BRMS1L: variants seen among roughly 807,000 people sequenced by gnomAD.
BRMS1L encodes the protein BRMS1 like transcriptional repressor.
Under a neutral mutation model 50.3 loss-of-function variants are expected in BRMS1L, and 23 were observed. The ratio of observed to expected loss-of-function variants is 0.46; its 90% CI spans 0.33 to 0.65. The LOEUF (loss-of-function observed/expected upper bound fraction) is 0.65. Among genes scored for constraint, BRMS1L ranks in the 30% least tolerant of loss-of-function variants. The pLI, the probability that BRMS1L is intolerant of heterozygous loss-of-function variation, is 0.02. For synonymous variants in BRMS1L, 114 were observed against 126.9 expected (o/e 0.90, Z 0.69); for missense variants, 286 against 386.1 (o/e 0.74, Z 2.17).
At chr14:35,840,176 T>C (rs8005573) in intron 4 of BRMS1L, among the ~76,000 whole-genome samples, 25,288 of 152,176 alleles carry the variant, frequency 0.17, 2,180 homozygotes, top group East Asian at 0.33. Context: ...TTACGTTTAT[T>C]GATTTGTGTA....
At position 35,840,495 on chromosome 14, in the gene BRMS1L, G is replaced by A. The variant is rs143336900; in HGVS notation, c.441+5572G>A. Among the ~76,000 whole-genome samples the A allele has an allele frequency of 2.2e-3, 327 of 147,852 alleles. 1 individual carries two copies. Among genetic ancestry groups the A allele is most frequent in the Non-Finnish European group, 3.2e-3 (216 of 66,516 alleles). ...TAGAATTCGGCTGTGAATCCATCTG[G>A]TCCTGGGCTTTTTTTGGTTGGTAGG... is the stretch of plus-strand genomic sequence containing the variant. On this transcript the variant is annotated intron_variant, in intron 4 of 9. Coordinates refer to ENST00000216807, the MANE Select transcript of BRMS1L (RefSeq NM_032352.4).
chr14:35,866,615 G>T (rs964875170), intron 8 of BRMS1L, among the ~76,000 whole-genome samples: 3 of 152,138 alleles, frequency 2.0e-5, no homozygotes, highest in African/African-American at 7.2e-5. Context: ...TGAGGTGGGA[G>T]GATCACCTGA....
intron 7 of BRMS1L, 24 bp downstream of exon 7, chr14:35,865,023 A>T: frequency 6.8e-7 from 1 of 1,477,804 alleles, no homozygotes; most frequent in Non-Finnish European, 9.2e-7. Context: ...GCAGTGGAAC[A>T]CAAGTATGTT....
At chr14:35,839,064 G>C (rs2078029066) in intron 4 of BRMS1L, among the ~76,000 whole-genome samples, 1 of 152,114 alleles carries the variant, frequency 6.6e-6, no homozygotes, top group Non-Finnish European at 1.5e-5. Flanking sequence ...ATAAGGAAGG[G>C]GTCCAGTTTC....
rs2078385296 is a variant in BRMS1L at position 35,863,850 on chromosome 14, A to T, written c.539-20A>T. 6.8e-6 allele frequency: 11 copies of T among 1,606,440 alleles called. No homozygotes were observed. Among genetic ancestry groups the T allele is most frequent in the Non-Finnish European group, 9.4e-6 (11 of 1,175,874 alleles). ...GTTCACCAGAAACCCACTAATACTT[A>T]ATCTTTATTTACCTGCCAGAGCTGT... On this transcript the variant is annotated intron_variant, in intron 5 of 9. Coordinates refer to ENST00000216807, the MANE Select transcript of BRMS1L (RefSeq NM_032352.4).
intron 4 of BRMS1L, among the ~76,000 whole-genome samples, chr14:35,848,590 T>TTTGGTGAACA: frequency 6.6e-6 from 1 of 152,306 alleles, no homozygotes; most frequent in East Asian, 1.9e-4. Context: ...TTTTGTACCC[T>TTTGGTGAACA]TTGGTGAACA....
chr14:35,861,499 A>G (rs1228967550), intron 4 of BRMS1L, among the ~76,000 whole-genome samples: 1 of 152,174 alleles, frequency 6.6e-6, no homozygotes, highest in Admixed American at 6.5e-5. Context: ...ATTTCATAAG[A>G]CTTTACTAAA....
intron 4 of BRMS1L, among the ~76,000 whole-genome samples, chr14:35,846,393 C>CT (rs927959376): frequency 7.2e-6 from 1 of 138,898 alleles, no homozygotes; most frequent in African/African-American, 2.7e-5. Flanking sequence ...GAGATCCTGT[C>CT]TAAAAAAAAA....
chr14:35,863,876 G>A lies in BRMS1L; in HGVS notation c.545G>A (p.Trp182Ter). 1 of 1,613,732 alleles carries A rather than the reference G, an allele frequency of 6.2e-7. No individual in the cohort carries two copies. The highest frequency in any genetic ancestry group is 8.5e-7 in the Non-Finnish European group (1 of 1,179,814). Residue 182 changes from tryptophan to a stop codon, truncating the protein, a stop_gained, in exon 6 of 10, where the codon TGG becomes TAG. Coordinates refer to ENST00000216807, the MANE Select transcript of BRMS1L (RefSeq NM_032352.4). LOFTEE classifies it high-confidence loss of function. ...RHSIDITSEL[W>*]NDELQSRKKR... ...ATCTTTATTTACCTGCCAGAGCTGT[G>A]GAATGATGAGCTTCAGTCAAGAAAA...
chr14:35,836,617 C>T (rs974433240), intron 4 of BRMS1L, among the ~76,000 whole-genome samples: 5 of 152,238 alleles, frequency 3.3e-5, no homozygotes, highest in African/African-American at 1.2e-4. Flanking sequence ...GTTGAGATTA[C>T]AGGTGTGAGC....
chr14:35,863,118 G>A (rs1464555252), intron 5 of BRMS1L, among the ~76,000 whole-genome samples: 3 of 151,992 alleles, frequency 2.0e-5, no homozygotes, highest in Non-Finnish European at 4.4e-5. Context: ...AAAAAGAATA[G>A]TATTGGAAAT....
chr14:35,826,702 C>A (rs766520272), intron 1 of BRMS1L, 44 bp downstream of exon 1: 3 of 1,596,798 alleles, frequency 1.9e-6, no homozygotes, highest in Admixed American at 1.7e-5. Context: ...GCGCCCAGCG[C>A]GCGACAGGCC....
At chr14:35,841,998 C>CTTTTTTTTTTTTTTTTTTTTTTT (rs574267347) in intron 4 of BRMS1L, among the ~76,000 whole-genome samples, 3 of 112,236 alleles carry the variant, frequency 2.7e-5, no homozygotes, top group Admixed American at 9.3e-5. Context: ...GCAATCTCTG[C>CTTTTTTTTTTTTTTTTTTTTTTT]TTTTTTTTTT....
At chr14:35,851,482 G>T (rs1006041216) in intron 4 of BRMS1L, among the ~76,000 whole-genome samples, 1 of 152,034 alleles carries the variant, frequency 6.6e-6, no homozygotes, top group African/African-American at 2.4e-5. Context: ...TTTGTGAAAA[G>T]AAGTACAAAA....
chr14:35,849,198 C>A (rs2078177001), intron 4 of BRMS1L, among the ~76,000 whole-genome samples: 1 of 152,088 alleles, frequency 6.6e-6, no homozygotes, highest in African/African-American at 2.4e-5. Context: ...GTACTGTTTT[C>A]CATAATGGCT....
intron 7 of BRMS1L, among the ~76,000 whole-genome samples, chr14:35,865,461 AT>A (rs2078408748): frequency 6.6e-6 from 1 of 151,912 alleles, no homozygotes; most frequent in African/African-American, 2.4e-5. Context: ...TCCATATTAC[AT>A]TTTTTCATTT....
intron 4 of BRMS1L, among the ~76,000 whole-genome samples, chr14:35,843,791 C>T (rs371690369): frequency 4.6e-5 from 7 of 152,242 alleles, no homozygotes; most frequent in South Asian, 2.1e-4. Flanking sequence ...CCCATAGCCA[C>T]GCCTTCCCCC....
intron 4 of BRMS1L, among the ~76,000 whole-genome samples, chr14:35,853,380 ATTACT>A (rs2078238514): frequency 6.6e-6 from 1 of 151,892 alleles, no homozygotes. Context: ...GATTATAGTG[ATTACT>A]TTGATGATGA....
At chr14:35,861,995 C>T (rs2078357786) in intron 4 of BRMS1L, among the ~76,000 whole-genome samples, 1 of 151,956 alleles carries the variant, frequency 6.6e-6, no homozygotes, top group Non-Finnish European at 1.5e-5. Flanking sequence ...AGTCTATTTG[C>T]CAGTCTTGTA....
Sources: allele counts gnomAD v4.1 joint callset (sites outside exome capture counted in the v4.1 genomes callset), GRCh38; gene constraint gnomAD v4.1.1; transcripts MANE v1.5; gene names NCBI Gene and HGNC (gene_info 2026-07-23, HGNC 2026-07-21).